Variants in NLRC3 observed in about 807,000 individuals in gnomAD.
NLRC3 encodes the protein NLR family CARD domain containing 3.
A neutral mutation model predicts 91.6 loss-of-function variants in NLRC3; 87 were observed. The observed-to-expected ratio is 0.95, with a 90% confidence interval of 0.80 to 1.14. The LOEUF (loss-of-function observed/expected upper bound fraction) is 1.14. Ranked by LOEUF, NLRC3 falls within the 50% of genes most tolerant of loss-of-function variation. The pLI is 0.00. For synonymous variants in NLRC3, 694 were observed against 625.3 expected, an observed-to-expected ratio of 1.11 and a Z score of -1.64; for missense variants, 1,577 against 1,418.6, an observed-to-expected ratio of 1.11 and a Z score of -1.79.
At chr16:3,544,615 C>T in intron 15 of NLRC3, 3 of 390,836 alleles carry the variant, frequency 7.7e-6, no homozygotes, top group Non-Finnish European at 4.7e-6. Flanking sequence ...AAAGGGGATG[C>T]TTTTCACAGC....
chr16:3,552,052 CCCAT>C, intron 10 of NLRC3, 140 bp downstream of exon 10: 3 of 609,610 alleles, frequency 4.9e-6, no homozygotes, highest in African/African-American at 1.9e-5. Context: ...CACCTAGTCA[CCCAT>C]CCATCCATCC....
At chr16:3,550,527 C>T in intron 10 of NLRC3, 30 bp from the exon 11 acceptor site, 1 of 1,520,160 alleles carries the variant, frequency 6.6e-7, no homozygotes, top group African/African-American at 1.4e-5. Flanking sequence ...GATGAGCCAG[C>T]CTCTGGGAGC....
intron 5 of NLRC3, 124 bp from the exon 6 acceptor site, chr16:3,561,912 G>T (rs532141173): frequency 2.1e-5 from 15 of 699,376 alleles, no homozygotes; most frequent in Non-Finnish European, 3.6e-5. Context: ...TGAGATCTGC[G>T]CTCAGCCCCA....
chr16:3,565,127 C>T (rs776933757), intron 3 of NLRC3, 67 bp from the exon 4 acceptor site: 10 of 1,270,840 alleles, frequency 7.9e-6, no homozygotes, highest in Non-Finnish European at 1.1e-6. Flanking sequence ...GACAGGTGAG[C>T]AAGTCCCCAG....
intron 2 of NLRC3, among the ~76,000 whole-genome samples, chr16:3,566,951 A>G (rs561378597): frequency 6.6e-6 from 1 of 152,276 alleles, no homozygotes; most frequent in Non-Finnish European, 1.5e-5. Context: ...AAGATAGAAG[A>G]AGGAGGAGTC....
intron 17 of NLRC3, chr16:3,543,007 C>T (rs566273947): frequency 7.6e-5 from 42 of 553,846 alleles, no homozygotes; most frequent in South Asian, 3.2e-4. Flanking sequence ...AGCCTTCCTC[C>T]TCTTCCATTT....
Position 3,564,605 on chromosome 16 carries a change from G to T in NLRC3, c.332C>A (p.Ala111Asp). Residue 111 changes from alanine to aspartate, a missense_variant, in exon 5 of 20, where the codon GCC (alanine) becomes GAC (aspartate). By Grantham distance (126) the Ala-to-Asp change is moderately radical. Coordinates refer to ENST00000359128, the MANE Select transcript of NLRC3 (RefSeq NM_178844.4). This position sits in a 1 kb window ranked among gnomAD's most constrained non-coding sequence, Gnocchi z 5.9. ...GGCGGGGTGCCCGCCCCCGCGGGTG[G>T]CCTCCACCTGTGTGAAGTCGTGTTC... ...LREHDFTQVE[A>D]TRGGGHPART... 6.2e-7 allele frequency: 1 copy of T among 1,610,746 alleles called. No individual in the cohort carries two copies. Among genetic ancestry groups the T allele is most frequent in the Admixed American group, 1.7e-5 (1 of 60,004 alleles).
At chr16:3,549,641 C>T in intron 12 of NLRC3, 56 bp downstream of exon 12, 1 of 1,308,712 alleles carries the variant, frequency 7.6e-7, no homozygotes, top group Non-Finnish European at 1.1e-6. Flanking sequence ...CAAGTCCCTG[C>T]AGACAGGTGC....
rs754876873 is a variant in NLRC3 at position 3,544,230 on chromosome 16, C to T, written c.2855+16G>A. ...AGGGACCGGTTTCCTGACTGCTGCG[C>T]ACATCTAGGACTTACTAGAGAGCAG... On this transcript the variant is annotated intron_variant, in intron 16 of 19. Transcript: ENST00000359128. The T allele has an allele frequency of 6.6e-7, 1 of 1,522,628 alleles. No homozygotes were observed. The allele number at this position is 1,522,628 out of a possible 1,614,324, so 94.3% of individuals were successfully genotyped here.
At chr16:3,557,760 C>A in intron 6 of NLRC3, 84 bp from the exon 7 acceptor site, 1 of 824,560 alleles carries the variant, frequency 1.2e-6, no homozygotes. Context: ...CGTGATTAAT[C>A]CTCTAGGCTC....
Position 3,564,410 on chromosome 16 carries a change from G to A in NLRC3, c.527C>T (p.Pro176Leu). The change falls in exon 5 of 20, where the codon CCT becomes CTT. Residue 176 changes from proline to leucine, a missense_variant. Physicochemically the swap from Pro to Leu is moderately conservative, Grantham distance 98. Transcript: ENST00000359128. This position sits in a 1 kb window ranked among gnomAD's most constrained non-coding sequence, Gnocchi z 5.9. The part of the protein sequence containing the change: ...QVGKDFSLVL[P>L]LTFRDLNTHE... ...GGTGTTGAGATCCCGGAAGGTCAGAGGCAGCACCAGCGAGAAGTCCTTGCC... is the reference window on the plus strand; with the variant it reads ...GGTGTTGAGATCCCGGAAGGTCAGAAGCAGCACCAGCGAGAAGTCCTTGCC... 2 of 1,612,716 alleles carry A rather than the reference G, an allele frequency of 1.2e-6. No individual in the cohort carries two copies. The highest frequency in any genetic ancestry group is 8.5e-7 in the Non-Finnish European group (1 of 1,179,890).
At position 3,577,332 on chromosome 16, in the gene NLRC3, G is replaced by A. The variant is rs2040345389; in HGVS notation, c.-352C>T. 2 of 644,106 alleles carry A rather than the reference G, an allele frequency of 3.1e-6. No homozygotes were observed. Among genetic ancestry groups the A allele is most frequent in the East Asian group, 2.7e-5 (1 of 36,764 alleles). 39.9% of individuals were successfully genotyped at this position (644,106 alleles called of 1,614,324 possible). A position where few individuals can be genotyped will look rare whatever the true frequency, so the allele number is the denominator to read the frequency against. On this transcript the variant is annotated 5_prime_UTR_variant, in exon 1 of 20. Transcript: ENST00000359128. ...CTTACCACGCCAACCAACCAACCGT[G>A]TGGGGGCCGAGAGCAGTGCAGCCCC...
At chr16:3,555,750 T>C (rs1471756224) in intron 8 of NLRC3, 3 of 92,360 alleles carry the variant, frequency 3.2e-5, no homozygotes, top group Non-Finnish European at 7.8e-5. Flanking sequence ...TTTTCTTTTC[T>C]TTTTTTTTTT....
chr16:3,573,902 T>TG (rs532866395), intron 1 of NLRC3, among the ~76,000 whole-genome samples: 207 of 150,540 alleles, frequency 1.4e-3, no homozygotes, highest in African/African-American at 4.7e-3. Flanking sequence ...CACTGCAGCC[T>TG]CGACCTCCTG....
At position 3,548,158 on chromosome 16, in the gene NLRC3, G is replaced by A; in HGVS notation, c.2748C>T (p.Leu916=). 1 of 1,592,292 alleles carries A rather than the reference G, an allele frequency of 6.3e-7. No individual in the cohort carries two copies. The highest frequency in any genetic ancestry group is 1.3e-5 in the African/African-American group (1 of 74,724). Residue 916 remains leucine, a synonymous_variant, in exon 15 of 20, where the codon CTC becomes CTT. Coordinates refer to ENST00000359128, the MANE Select transcript of NLRC3 (RefSeq NM_178844.4). ...AAQALGQALQ[L]NRSLTSLDLQ... ...ACTCTAAGCTGGTGAGGCTCCTGTTGAGCTGTAGTGCTTGTCCCAGGGCCT... is the reference window on the plus strand; with the variant it reads ...ACTCTAAGCTGGTGAGGCTCCTGTTAAGCTGTAGTGCTTGTCCCAGGGCCT...
chr16:3,542,651 C>G (rs769457780), intron 18 of NLRC3, 41 bp downstream of exon 18: 3 of 1,279,200 alleles, frequency 2.3e-6, no homozygotes, highest in Admixed American at 3.6e-5. Context: ...GCAGAGAACT[C>G]TGCTGCTCCA....
In NLRC3 at chr16:3,564,447, G is replaced by T; in HGVS notation, c.490C>A (p.His164Asn). 2 of 1,612,784 alleles carry T rather than the reference G, an allele frequency of 1.2e-6. No individual in the cohort carries two copies. The highest frequency in any genetic ancestry group is 1.7e-6 in the Non-Finnish European group (2 of 1,179,884). ...GAGAAGTCCTTGCCGACCTGCCCAT[G>T]GGCCCAGAGGCGGACGAAGTGCCTC... Reference protein sequence around the residue: ...LVRHFVRLWAHGQVGKDFSLV... With the variant: ...LVRHFVRLWANGQVGKDFSLV... The change falls in exon 5 of 20, where the codon CAT becomes AAT. Residue 164 changes from histidine to asparagine, a missense_variant. By Grantham distance (68) the His-to-Asn change is moderately conservative. Transcript: ENST00000359128. The surrounding 1 kb of genome is among the most constrained non-coding windows in gnomAD (Gnocchi z 5.9).
At chr16:3,543,988 T>C (rs2038549515) in intron 16 of NLRC3, 2 of 458,174 alleles carry the variant, frequency 4.4e-6, no homozygotes, top group African/African-American at 3.9e-5. Flanking sequence ...ACCCCGTCTC[T>C]ACTAAAAATA....
At chr16:3,555,371 A>G (rs1267773372) in intron 8 of NLRC3, among the ~76,000 whole-genome samples, 1 of 152,206 alleles carries the variant, frequency 6.6e-6, no homozygotes, top group Non-Finnish European at 1.5e-5. Flanking sequence ...TTTACATGAA[A>G]TGTCCAGAAT....
Sources: gnomAD v4.1 joint callset for allele counts (sites outside exome capture counted in the v4.1 genomes callset) on GRCh38, gnomAD v4.1.1 for gene constraint, Gnocchi (gnomAD v3.1) non-coding constraint, MANE v1.5 for transcripts, NCBI Gene and HGNC (gene_info 2026-07-23, HGNC 2026-07-21) for gene names.